The following CPPED1 variants were observed in gnomAD, a reference collection of about 807,000 sequenced individuals.
The protein encoded by CPPED1 is calcineurin like phosphoesterase domain containing 1.
CPPED1 carries 28 observed loss-of-function variants against 28.0 expected under a neutral mutation model. The ratio of observed to expected loss-of-function variants is 1.00; its 90% CI spans 0.74 to 1.37. CPPED1 has a LOEUF of 1.37. Among genes scored for constraint, CPPED1 ranks in the 40% most tolerant of loss-of-function variants. The probability of loss-of-function intolerance (pLI) is 0.00; values close to 1 mark genes in which losing one functional copy is unlikely to be tolerated. For missense variants in CPPED1, 504 were observed against 416.5 expected (o/e 1.21, Z -1.83); for synonymous variants, 198 against 180.2 (o/e 1.10, Z -0.79).
chr16:12,775,946 G>A (rs1344912691), intron 2 of CPPED1, among the ~76,000 whole-genome samples: 1 of 152,190 alleles, frequency 6.6e-6, no homozygotes, highest in African/African-American at 2.4e-5. Context: ...ATCTGCAGTA[G>A]GCTGAACAAT....
chr16:12,716,123 G>A (rs2080105900), intron 2 of CPPED1, among the ~76,000 whole-genome samples: 1 of 152,174 alleles, frequency 6.6e-6, no homozygotes, highest in Non-Finnish European at 1.5e-5. Context: ...CTGCTTAAAT[G>A]AAAAACCATG....
At chr16:12,781,037 T>TA in intron 2 of CPPED1, 148 bp downstream of exon 2, 1 of 651,042 alleles carries the variant, frequency 1.5e-6, no homozygotes, top group South Asian at 1.9e-5. Flanking sequence ...CTTTCTGATG[T>TA]TCAATGATAC....
chr16:12,800,964 C>T (rs1331840839), intron 1 of CPPED1, among the ~76,000 whole-genome samples: 1 of 152,180 alleles, frequency 6.6e-6, no homozygotes, highest in Admixed American at 6.6e-5. Flanking sequence ...TGTGCCCTAG[C>T]TTTGTACCTG....
chr16:12,750,671 A>T (rs1228475941), intron 2 of CPPED1, among the ~76,000 whole-genome samples: 1 of 152,204 alleles, frequency 6.6e-6, no homozygotes, highest in Non-Finnish European at 1.5e-5. Context: ...ATGCTGTTGA[A>T]AAAATGATGC....
chr16:12,693,125 G>A (rs923279493), intron 3 of CPPED1, among the ~76,000 whole-genome samples: 1 of 152,152 alleles, frequency 6.6e-6, no homozygotes, highest in Non-Finnish European at 1.5e-5. Flanking sequence ...CACCTGTGCC[G>A]AAGACCTGGA....
At chr16:12,778,047 T>C (rs1033373947) in intron 2 of CPPED1, among the ~76,000 whole-genome samples, 1 of 151,732 alleles carries the variant, frequency 6.6e-6, no homozygotes, top group Non-Finnish European at 1.5e-5. Flanking sequence ...GTAGCTGAGA[T>C]GACAGGCCCA....
chr16:12,797,273 A>G (rs957615908), intron 1 of CPPED1, among the ~76,000 whole-genome samples: 17 of 152,210 alleles, frequency 1.1e-4, no homozygotes, highest in African/African-American at 3.9e-4. Flanking sequence ...AATTTAGGCC[A>G]GGTGCGGTGG....
chr16:12,751,943 T>A lies in CPPED1; in HGVS notation c.289+29242A>T, dbSNP rs185107960. Among the ~76,000 whole-genome samples, 222 of 152,296 alleles carry A rather than the reference T, an allele frequency of 1.5e-3. 4 individuals carry two copies. Among genetic ancestry groups the A allele is most frequent in the East Asian group, 1.7e-3 (9 of 5,188 alleles). On this transcript the variant is annotated intron_variant, in intron 2 of 3. Transcript: ENST00000381774. The stretch of plus-strand genomic sequence containing the variant: ...TCAGTGATAAAATAAATGAGAAATG[T>A]CTGTGCTAGGAAGCTCTGAATAGGA...
chr16:12,698,925 TA>T (rs1454133303), intron 3 of CPPED1, among the ~76,000 whole-genome samples: 1 of 152,206 alleles, frequency 6.6e-6, no homozygotes, highest in African/African-American at 2.4e-5. Flanking sequence ...CACACAGTTC[TA>T]ATCTCTCTTC....
In CPPED1 at chr16:12,661,585, C is replaced by T. The variant is rs572469631; in HGVS notation, c.*3301G>A. On this transcript the variant is annotated 3_prime_UTR_variant, in exon 4 of 4. Coordinates refer to ENST00000381774, the MANE Select transcript of CPPED1 (RefSeq NM_018340.3). ...ACATGTCCTTGTGTTTTTGTTTTTTCCTCCAATTAAAGTGATTAATTGGAA... is the reference window on the plus strand; with the variant it reads ...ACATGTCCTTGTGTTTTTGTTTTTTTCTCCAATTAAAGTGATTAATTGGAA... The T allele has an allele frequency of 7.2e-5, 11 of 152,252 alleles. 1 individual carries two copies. In the East Asian group the frequency reaches 1.9e-3, roughly 27 times the overall value. The allele number at this position is 152,252 out of a possible 1,614,324, so 9.4% of individuals were successfully genotyped here.
At chr16:12,688,502 C>T (rs550082025) in intron 3 of CPPED1, among the ~76,000 whole-genome samples, 32 of 152,152 alleles carry the variant, frequency 2.1e-4, no homozygotes, top group Non-Finnish European at 1.3e-4. Context: ...CCACACCTGG[C>T]TAACTTTTGT....
In CPPED1 at chr16:12,761,813, C is replaced by T. The variant is rs1260626561; in HGVS notation, c.289+19372G>A. On this transcript the variant is annotated intron_variant, in intron 2 of 3. Coordinates refer to ENST00000381774, the MANE Select transcript of CPPED1 (RefSeq NM_018340.3). ...ATCACTTGAAATCAGGAGTTCGAGA[C>T]CAGCTTGGCCAACATGGCAAAACCT... is the stretch of plus-strand genomic sequence containing the variant. Among the ~76,000 whole-genome samples the T allele has an allele frequency of 5.3e-5, 8 of 152,190 alleles. 1 individual carries two copies. The South Asian group carries it at 1.7e-3, about 32-fold the overall frequency.
At chr16:12,756,364 C>T (rs761671850) in intron 2 of CPPED1, among the ~76,000 whole-genome samples, 6 of 152,178 alleles carry the variant, frequency 3.9e-5, no homozygotes, top group African/African-American at 1.2e-4. Context: ...GGCAGTTCCA[C>T]GCAAACTACT....
chr16:12,726,038 G>A (rs941144330), intron 2 of CPPED1, among the ~76,000 whole-genome samples: 2 of 150,752 alleles, frequency 1.3e-5, no homozygotes, highest in African/African-American at 4.9e-5. Context: ...CTCTAAAAAA[G>A]AAAAAATCAT....
chr16:12,690,628 G>T (rs114070296), intron 3 of CPPED1, among the ~76,000 whole-genome samples: 7 of 147,110 alleles, frequency 4.8e-5, no homozygotes, highest in Non-Finnish European at 8.9e-5. Context: ...ACCAGCTTGG[G>T]CAAAATAGTG....
Position 12,682,469 on chromosome 16 carries a change from C to T in CPPED1, c.716-17354G>A, listed in dbSNP as rs982708908. 6.6e-6 allele frequency among the ~76,000 whole-genome samples: 1 copy of T among 152,028 alleles called. No individual in the cohort carries two copies. Among genetic ancestry groups the T allele is most frequent in the Non-Finnish European group, 1.5e-5 (1 of 68,012 alleles). The stretch of plus-strand genomic sequence containing the variant: ...TTTTTTAATACTAATATTTGGTTGT[C>T]AGAAAAGCAGTGGCAGCCTGGGGTG... On this transcript the variant is annotated intron_variant, in intron 3 of 3. Coordinates refer to ENST00000381774, the MANE Select transcript of CPPED1 (RefSeq NM_018340.3). The surrounding 1 kb of genome is among the most constrained non-coding windows in gnomAD (Gnocchi z 6.1).
At chr16:12,738,994 C>T (rs1291784745) in intron 2 of CPPED1, among the ~76,000 whole-genome samples, 1 of 152,110 alleles carries the variant, frequency 6.6e-6, no homozygotes, top group Non-Finnish European at 1.5e-5. Flanking sequence ...GAGGTTAGCA[C>T]CACACGGTGA....
intron 2 of CPPED1, among the ~76,000 whole-genome samples, chr16:12,724,618 T>C (rs925101554): frequency 1.6e-4 from 24 of 152,208 alleles, no homozygotes; most frequent in African/African-American, 5.5e-4. Context: ...TGGTATCTTA[T>C]GCAAGAGATC....
chr16:12,786,076 C>G (rs1479436763), intron 1 of CPPED1, among the ~76,000 whole-genome samples: 4 of 152,184 alleles, frequency 2.6e-5, no homozygotes, highest in Admixed American at 6.5e-5. Context: ...GGCAATGAGC[C>G]TGATGAAGAG....
Sources: allele counts gnomAD v4.1 joint callset (sites outside exome capture counted in the v4.1 genomes callset), GRCh38; gene constraint gnomAD v4.1.1; non-coding constraint Gnocchi (gnomAD v3.1); transcripts MANE v1.5; gene names NCBI Gene and HGNC (gene_info 2026-07-23, HGNC 2026-07-21).